Variants in UBXN11 observed in about 807,000 individuals in gnomAD.
UBXN11 encodes the protein UBX domain-containing protein 11.
Under a neutral mutation model 62.8 loss-of-function variants are expected in UBXN11, and 47 were observed. The ratio of observed to expected loss-of-function variants is 0.75; its 90% CI spans 0.59 to 0.95. The LOEUF (loss-of-function observed/expected upper bound fraction) is 0.95, where lower values mean the gene tolerates loss of function less well. UBXN11 is among the 40% of genes least tolerant of loss of function. UBXN11 has a pLI of 0.00. For synonymous variants in UBXN11, 294 were observed against 267.0 expected (o/e 1.10, Z -0.99); for missense variants, 638 against 661.7 (o/e 0.96, Z 0.39).
At chr1:26,316,046 G>A (rs868823786) in intron 1 of UBXN11, among the ~76,000 whole-genome samples, 13 of 146,858 alleles carry the variant, frequency 8.9e-5, no homozygotes, top group African/African-American at 2.8e-4. Flanking sequence ...TGCAGCCTGG[G>A]CCTCCCAGGT....
chr1:26,306,825 G>GA (rs56317446), upstream of UBXN11: 1 of 78,662 alleles, frequency 1.3e-5, no homozygotes, highest in Non-Finnish European at 2.8e-5. Context: ...GGTCCGGGGC[G>GA]GGGTGGGGGG....
At position 26,285,887 on chromosome 1, in the gene UBXN11, A is replaced by G; in HGVS notation, c.710T>C (p.Leu237Pro). Residue 237 changes from leucine to proline, a missense_variant, in exon 9 of 15, where the codon CTC becomes CCC. Physicochemically the swap from Leu to Pro is moderately conservative, Grantham distance 98. Transcript: ENST00000374222. ...GAACATCATGATGCCATTCCGGTAG[A>G]GCTTCAGCGGGATGGGCTCGAGGGT... ...LRTLEPIPLKLYRNGIMMFDG... is the reference protein window; with the variant it reads ...LRTLEPIPLKPYRNGIMMFDG... 1 of 1,613,278 alleles carries G rather than the reference A, an allele frequency of 6.2e-7. No homozygotes were observed. Among genetic ancestry groups the G allele is most frequent in the Non-Finnish European group, 8.5e-7 (1 of 1,179,346 alleles).
upstream of UBXN11, chr1:26,306,839 G>C (rs1384350713): frequency 3.7e-4 from 43 of 115,136 alleles, 3 homozygotes; most frequent in African/African-American, 1.4e-3. Flanking sequence ...TGGGGGGGGG[G>C]GGTGGTTCGT....
intron 4 of UBXN11, among the ~76,000 whole-genome samples, chr1:26,300,570 T>C (rs1300161440): frequency 1.3e-5 from 2 of 152,176 alleles, no homozygotes; most frequent in African/African-American, 2.4e-5. Flanking sequence ...CTAAGCAGAC[T>C]GTCTAGGCGA....
chr1:26,296,367 A>G (rs776783148), intron 7 of UBXN11, among the ~76,000 whole-genome samples: 3 of 152,226 alleles, frequency 2.0e-5, no homozygotes, highest in Non-Finnish European at 4.4e-5. Context: ...GAGTCCCACA[A>G]GGGAAGAGAG....
chr1:26,285,827 G>A lies in UBXN11; in HGVS notation c.770C>T (p.Thr257Ile), dbSNP rs1284641080. Residue 257 changes from threonine (T) to isoleucine (I), a missense_variant, in exon 9 of 15, where the codon ACA becomes ATA. Thr to Ile is a moderately conservative substitution (Grantham distance 89). Coordinates refer to ENST00000374222, the MANE Select transcript of UBXN11 (RefSeq NM_001389556.1). ...GPFQPFYDPS[T>I]QRCLRDILDG... ...CCCCCCCAACACCGCTCCTACCTGTGTGGAGGGATCGTAGAAGGGCTGGAA... is the reference window on the plus strand; with the variant it reads ...CCCCCCCAACACCGCTCCTACCTGTATGGAGGGATCGTAGAAGGGCTGGAA... 1 of 1,605,212 alleles carries A rather than the reference G, an allele frequency of 6.2e-7. No homozygotes were observed. The highest frequency in any genetic ancestry group is 2.2e-5 in the East Asian group (1 of 44,612).
chr1:26,310,044 C>T (rs756579215), upstream of UBXN11, among the ~76,000 whole-genome samples: 13 of 152,176 alleles, frequency 8.5e-5, no homozygotes, highest in Non-Finnish European at 1.5e-4. Context: ...CCTCCAGTCT[C>T]GGCCTCTCAG....
rs763249461 is a variant in UBXN11 at position 26,286,025 on chromosome 1, G to A, written c.572C>T (p.Ala191Val). 1.4e-5 allele frequency: 22 copies of A among 1,603,282 alleles called. No homozygotes were observed. Among genetic ancestry groups the A allele is most frequent in the Admixed American group, 1.7e-5 (1 of 59,518 alleles). The change falls in exon 9 of 15, where the codon GCG becomes GTG. Residue 191 changes from alanine (A) to valine (V), a missense_variant. Physicochemically the swap from Ala to Val is moderately conservative, Grantham distance 64. Transcript: ENST00000374222. ...KKFWKPGDSL[A>V]PPEVDFDRLL... ...CCTGTCAAAGTCCACCTCAGGGGGCGCCAATGAGTCCCCTGGCAAAGAGGA... is the reference window on the plus strand; with the variant it reads ...CCTGTCAAAGTCCACCTCAGGGGGCACCAATGAGTCCCCTGGCAAAGAGGA...
At position 26,285,800 on chromosome 1, in the gene UBXN11, A is replaced by AC. The variant is rs370062434; in HGVS notation, c.774+22dup. 6.7e-4 allele frequency: 1,049 copies of AC among 1,566,700 alleles called. 6 individuals are homozygous for AC. Among genetic ancestry groups the AC allele is most frequent in the South Asian group, 5.3e-3 (464 of 86,954 alleles). ...TGGGCAGCAGGGGCACTAGAGCACC[A>AC]CCCCCCCCAACACCGCTCCTACCTG... On this transcript the variant is annotated intron_variant, in intron 9 of 14. Coordinates refer to ENST00000374222, the MANE Select transcript of UBXN11 (RefSeq NM_001389556.1).
intron 1 of UBXN11, 35 bp from the exon 2 acceptor site, chr1:26,302,953 G>C: frequency 6.7e-7 from 1 of 1,490,334 alleles, no homozygotes; most frequent in Non-Finnish European, 9.3e-7. Flanking sequence ...CCTGGGGACA[G>C]ACTCAGGGCT....
rs772136286 is a variant in UBXN11 at position 26,284,167 on chromosome 1, C to T, written c.1052G>A (p.Arg351Gln). The T allele has an allele frequency of 2.5e-5, 40 of 1,612,038 alleles. No individual in the cohort carries two copies. The Middle Eastern group carries it at 4.9e-4, about 20-fold the overall frequency. ...VIRQGEVIDI[R>Q]GPIRDTLQNC... is the part of the protein sequence containing the mutation. ...CTGCAAGGTGTCCCTGATGGGGCCC[C>T]GGATGTCAATCACCTCGCCTTGCCG... Residue 351 changes from arginine to glutamine, a missense_variant, in exon 12 of 15, where the codon CGG becomes CAG. By Grantham distance (43) the Arg-to-Gln change is conservative (BLOSUM62 1). Coordinates refer to ENST00000374222, the MANE Select transcript of UBXN11 (RefSeq NM_001389556.1).
intron 10 of UBXN11, chr1:26,284,720 T>TCCTTGGAGA (rs2073085828): frequency 7.8e-7 from 1 of 1,285,262 alleles, no homozygotes. Flanking sequence ...ACTGACACCC[T>TCCTTGGAGA]CCTTGGAGAC....
intron 4 of UBXN11, among the ~76,000 whole-genome samples, chr1:26,299,130 T>C (rs989700491): frequency 6.6e-6 from 1 of 152,140 alleles, no homozygotes; most frequent in Non-Finnish European, 1.5e-5. Context: ...TGACAAACAT[T>C]TGGGAACTGT....
At chr1:26,306,841 G>GGGGGGGGGT (rs2073682898), upstream of UBXN11, 1 of 99,474 alleles carries the variant, frequency 1.0e-5, no homozygotes, top group Non-Finnish European at 2.1e-5. Context: ...GGGGGGGGGG[G>GGGGGGGGGT]TGGTTCGTTC....
In UBXN11 at chr1:26,301,009, A is replaced by G; in HGVS notation, c.116T>C (p.Met39Thr). ...RIYGDEDEVD[M>T]LSDGCGSEEK... ...TTCTGAGCCACACCCATCACTCAAC[A>G]TGTCCACCTCATCTTCTGCAGACAG... is the stretch of plus-strand genomic sequence containing the variant. The change falls in exon 4 of 15, where the codon ATG becomes ACG. Residue 39 changes from methionine (M) to threonine (T), a missense_variant. Transcript: ENST00000374222. 6.2e-7 allele frequency: 1 copy of G among 1,614,152 alleles called. No homozygotes were observed. The highest frequency in any genetic ancestry group is 1.1e-5 in the South Asian group (1 of 91,084).
intron 7 of UBXN11, among the ~76,000 whole-genome samples, chr1:26,295,528 C>G (rs1315109072): frequency 6.6e-6 from 1 of 152,168 alleles, no homozygotes; most frequent in African/African-American, 2.4e-5. Flanking sequence ...CCCACGACCT[C>G]TTCTCTTTTC....
upstream of UBXN11, chr1:26,306,866 G>C (rs921301976): frequency 2.8e-5 from 4 of 143,876 alleles, no homozygotes; most frequent in African/African-American, 1.0e-4. Flanking sequence ...CCTCAGGTGC[G>C]GGAGGAAGGA....
At chr1:26,287,076 A>T (rs1036524198) in intron 8 of UBXN11, among the ~76,000 whole-genome samples, 1 of 152,062 alleles carries the variant, frequency 6.6e-6, no homozygotes, top group Non-Finnish European at 1.5e-5. Flanking sequence ...GTCCCAAGCC[A>T]CTTGGTGAGA....
At chr1:26,288,330 G>A (rs138048393) in intron 8 of UBXN11, among the ~76,000 whole-genome samples, 17 of 152,262 alleles carry the variant, frequency 1.1e-4, no homozygotes, top group South Asian at 6.2e-4. Context: ...AAGAAACGAC[G>A]AAGGGGAAGA....
Sources: allele counts gnomAD v4.1 joint callset (sites outside exome capture counted in the v4.1 genomes callset), GRCh38; gene constraint gnomAD v4.1.1; transcripts MANE v1.5; gene names NCBI Gene and HGNC (gene_info 2026-07-23, HGNC 2026-07-21).